The following SPAG16 variants were observed in gnomAD, a reference collection of about 807,000 sequenced individuals.
SPAG16 encodes sperm-associated antigen 16 protein.
A neutral mutation model predicts 80.4 loss-of-function variants in SPAG16; 86 were observed. The ratio of observed to expected loss-of-function variants is 1.07; its 90% CI spans 0.90 to 1.28. The LOEUF (loss-of-function observed/expected upper bound fraction) is 1.28. SPAG16 is among the 50% of genes most tolerant of loss of function. SPAG16 has a pLI of 0.00. For missense variants in SPAG16, 870 were observed against 765.3 expected (o/e 1.14, Z -1.61); for synonymous variants, 294 against 265.9 (o/e 1.11, Z -1.03).
intron 12 of SPAG16, among the ~76,000 whole-genome samples, chr2:213,994,746 GA>G (rs2046438275): frequency 6.6e-6 from 1 of 151,922 alleles, no homozygotes; most frequent in Non-Finnish European, 1.5e-5. Context: ...TAATATAAAG[GA>G]AATAAATATG....
chr2:213,832,904 G>A (rs941632820), intron 10 of SPAG16, among the ~76,000 whole-genome samples: 3 of 151,908 alleles, frequency 2.0e-5, no homozygotes, highest in Middle Eastern at 3.2e-3. Flanking sequence ...TGATAGGCGA[G>A]GAAAGGTATC....
At chr2:213,361,147 T>A (rs1471526420) in intron 7 of SPAG16, among the ~76,000 whole-genome samples, 1 of 152,116 alleles carries the variant, frequency 6.6e-6, no homozygotes, top group Non-Finnish European at 1.5e-5. Flanking sequence ...CTTTAGTAGA[T>A]ACTAGACAGT....
At chr2:213,603,608 T>A (rs527843090) in intron 10 of SPAG16, among the ~76,000 whole-genome samples, 2 of 152,236 alleles carry the variant, frequency 1.3e-5, no homozygotes, top group Non-Finnish European at 2.9e-5. Flanking sequence ...CCATTTATTA[T>A]TTAGCTGTTT....
intron 10 of SPAG16, among the ~76,000 whole-genome samples, chr2:213,783,031 A>G (rs1030151422): frequency 5.4e-5 from 8 of 147,352 alleles, no homozygotes; most frequent in Non-Finnish European, 6.0e-5. Context: ...ATATCTCCCA[A>G]TGCTATCCCT....
intron 9 of SPAG16, among the ~76,000 whole-genome samples, chr2:213,424,291 A>G (rs1679765309): frequency 2.0e-5 from 3 of 152,216 alleles, no homozygotes; most frequent in Admixed American, 2.0e-4. Flanking sequence ...TATTAGAAGG[A>G]TTAGAAGATT....
intron 15 of SPAG16, among the ~76,000 whole-genome samples, chr2:214,263,454 T>A (rs917994474): frequency 1.3e-4 from 20 of 152,224 alleles, no homozygotes; most frequent in Non-Finnish European, 2.1e-4. Flanking sequence ...TATATCTTTA[T>A]ATCAGTCTTG....
chr2:213,361,378 G>GTGTA (rs753903147), intron 7 of SPAG16, among the ~76,000 whole-genome samples: 2,092 of 147,052 alleles, frequency 0.014, 24 homozygotes, highest in South Asian at 0.038. Flanking sequence ...GTGTGTGTGT[G>GTGTA]TATATATATA....
Position 213,374,886 on chromosome 2 carries a change from A to G in SPAG16, c.833-124A>G, listed in dbSNP as rs1270343544. 7.4e-6 allele frequency: 5 copies of G among 674,230 alleles called. No individual in the cohort carries two copies. The South Asian group carries it at 8.2e-5, about 11-fold the overall frequency. 41.8% of individuals were successfully genotyped at this position (674,230 alleles called of 1,614,324 possible). A position where few individuals can be genotyped will look rare whatever the true frequency, so the allele number is the denominator to read the frequency against. ...AGCATTTGGTATGGTTTGGGTATCA[A>G]TAATTTAATGAATTTTTTAAAAATA... On this transcript the variant is annotated intron_variant, in intron 8 of 15. Transcript: ENST00000331683.
intron 15 of SPAG16, among the ~76,000 whole-genome samples, chr2:214,382,711 A>G (rs150490751): frequency 1.3e-5 from 2 of 152,332 alleles, no homozygotes; most frequent in African/African-American, 4.8e-5. Context: ...TTCTAAATGA[A>G]GAGCATTGCT....
chr2:213,585,765 A>G (rs1471692848), intron 10 of SPAG16, among the ~76,000 whole-genome samples: 1 of 152,240 alleles, frequency 6.6e-6, no homozygotes, highest in Non-Finnish European at 1.5e-5. Flanking sequence ...TGTCAAATCA[A>G]TAAATTAATT....
intron 10 of SPAG16, among the ~76,000 whole-genome samples, chr2:213,640,743 G>A (rs949832435): frequency 2.1e-4 from 32 of 152,176 alleles, no homozygotes; most frequent in Non-Finnish European, 4.3e-4. Context: ...CAGTAAAGTT[G>A]TCATATGGAC....
intron 10 of SPAG16, among the ~76,000 whole-genome samples, chr2:213,649,983 GTCATCATTCCATA>G (rs2062964693): frequency 6.6e-6 from 1 of 152,088 alleles, no homozygotes; most frequent in Non-Finnish European, 1.5e-5. Flanking sequence ...GACTTTAAGT[GTCATCATTCCATA>G]CCAATCCTTT....
chr2:214,222,538 G>A (rs150505398), intron 15 of SPAG16, among the ~76,000 whole-genome samples: 268 of 152,242 alleles, frequency 1.8e-3, no homozygotes, highest in African/African-American at 6.2e-3. Flanking sequence ...AATCTCAGAA[G>A]AAAATTTTTG....
At chr2:213,912,179 T>C (rs1311620250) in intron 11 of SPAG16, among the ~76,000 whole-genome samples, 1 of 152,166 alleles carries the variant, frequency 6.6e-6, no homozygotes, top group African/African-American at 2.4e-5. Flanking sequence ...AGTAAAATAC[T>C]TTGGGCGTCA....
intron 4 of SPAG16, among the ~76,000 whole-genome samples, chr2:213,312,281 C>A (rs1430009097): frequency 6.6e-6 from 1 of 151,410 alleles, no homozygotes; most frequent in African/African-American, 2.4e-5. Flanking sequence ...CAGGTTTAGT[C>A]GATGGTTCAA....
At chr2:213,376,066 T>A (rs959397802) in intron 9 of SPAG16, among the ~76,000 whole-genome samples, 8 of 151,560 alleles carry the variant, frequency 5.3e-5, no homozygotes, top group Non-Finnish European at 1.2e-4. Context: ...CTAATCACTT[T>A]TTTGTTATAA....
intron 10 of SPAG16, among the ~76,000 whole-genome samples, chr2:213,759,306 G>A (rs963828263): frequency 2.6e-5 from 4 of 151,402 alleles, no homozygotes; most frequent in Non-Finnish European, 4.4e-5. Context: ...TGCACTTTTC[G>A]TGTTCTACAT....
intron 11 of SPAG16, among the ~76,000 whole-genome samples, chr2:213,924,355 G>C (rs1469431963): frequency 2.0e-5 from 3 of 152,116 alleles, no homozygotes; most frequent in Non-Finnish European, 4.4e-5. Flanking sequence ...TGAATCTCCT[G>C]GGGAGCTCTC....
At chr2:213,559,533 A>G (rs895295216) in intron 10 of SPAG16, among the ~76,000 whole-genome samples, 1 of 152,138 alleles carries the variant, frequency 6.6e-6, no homozygotes, top group African/African-American at 2.4e-5. Context: ...CAAACCACAA[A>G]TTATGTTTTA....
Sources: allele counts gnomAD v4.1 joint callset (sites outside exome capture counted in the v4.1 genomes callset), GRCh38; gene constraint gnomAD v4.1.1; transcripts MANE v1.5; gene names NCBI Gene and HGNC (gene_info 2026-07-23, HGNC 2026-07-21).